Variants in LEPR observed in about 807,000 individuals in gnomAD.
The protein encoded by LEPR is leptin receptor.
Under a neutral mutation model 114.7 loss-of-function variants are expected in LEPR, and 56 were observed. The observed-to-expected ratio is 0.49, with a 90% CI of 0.39 to 0.61. The LOEUF (loss-of-function observed/expected upper bound fraction) is 0.61, where lower values mean the gene tolerates loss of function less well. Ranked by LOEUF, LEPR falls within the 20% of genes least tolerant of loss-of-function variation. The pLI, the probability that LEPR is intolerant of heterozygous loss-of-function variation, is 0.00. For missense variants in LEPR, 1,202 were observed against 1,352.9 expected, an observed-to-expected ratio of 0.89 and a Z score of 1.75; for synonymous variants, 443 against 461.4, an observed-to-expected ratio of 0.96 and a Z score of 0.51.
chr1:65,527,539 T>TC (rs1650058079), intron 2 of LEPR, among the ~76,000 whole-genome samples: 1 of 152,246 alleles, frequency 6.6e-6, no homozygotes, highest in Non-Finnish European at 1.5e-5. Context: ...AGTAGCATTT[T>TC]CAAGATTATT....
At chr1:65,450,546 G>A (rs1382776625) in intron 2 of LEPR, among the ~76,000 whole-genome samples, 3 of 141,676 alleles carry the variant, frequency 2.1e-5, no homozygotes, top group South Asian at 2.4e-4. Flanking sequence ...TTGTTCTTGC[G>A]ATAGTTTACT....
chr1:65,455,562 C>T (rs547539817), intron 2 of LEPR, among the ~76,000 whole-genome samples: 1 of 152,324 alleles, frequency 6.6e-6, no homozygotes, highest in East Asian at 1.9e-4. Context: ...CAGTCTGCCC[C>T]TGCTGGGGGG....
In LEPR at chr1:65,431,076, A is replaced by G. The variant is rs144914027; in HGVS notation, c.-21+5698A>G. ...CTGATTAGCAATGGTCTTGAACCCC[A>G]TGCCAGTTTGATCTTTGTCTAGATA... On this transcript the variant is annotated intron_variant, in intron 2 of 19. Transcript: ENST00000349533. 3.9e-5 allele frequency among the ~76,000 whole-genome samples: 6 copies of G among 152,326 alleles called. No homozygotes were observed. In the East Asian group the frequency reaches 9.6e-4, roughly 24 times the overall value.
At chr1:65,499,487 A>T (rs561409946) in intron 2 of LEPR, among the ~76,000 whole-genome samples, 5 of 152,274 alleles carry the variant, frequency 3.3e-5, no homozygotes, top group African/African-American at 9.6e-5. Flanking sequence ...GGATATAAAT[A>T]TCAGCCCCAC....
chr1:65,567,888 T>A (rs1345164234), intron 3 of LEPR, among the ~76,000 whole-genome samples: 1 of 147,772 alleles, frequency 6.8e-6, no homozygotes, highest in Non-Finnish European at 1.5e-5. Flanking sequence ...TTTGTCACAA[T>A]TGATGAACCC....
intron 2 of LEPR, among the ~76,000 whole-genome samples, chr1:65,436,709 A>G (rs1646568108): frequency 7.1e-6 from 1 of 141,578 alleles, no homozygotes; most frequent in African/African-American, 2.4e-5. Flanking sequence ...GAGACTGCAC[A>G]ATCTCTCTTC....
chr1:65,627,215 G>A (rs1336474631), intron 19 of LEPR, among the ~76,000 whole-genome samples: 2 of 152,112 alleles, frequency 1.3e-5, no homozygotes, highest in East Asian at 3.9e-4. Context: ...TATTAACAAT[G>A]TATTTCTTAA....
chr1:65,434,959 T>C, intron 2 of LEPR: 3 of 985,540 alleles, frequency 3.0e-6, no homozygotes, highest in Non-Finnish European at 3.6e-6. Flanking sequence ...AAATTCCTTT[T>C]GACACCTGCA....
intron 2 of LEPR, among the ~76,000 whole-genome samples, chr1:65,540,181 A>G (rs919899758): frequency 2.6e-5 from 4 of 152,112 alleles, no homozygotes; most frequent in African/African-American, 4.8e-5. Flanking sequence ...TCCTGCCCTT[A>G]TCATTTAGAA....
intron 2 of LEPR, chr1:65,525,748 GC>G: frequency 1.0e-6 from 1 of 986,104 alleles, no homozygotes; most frequent in Non-Finnish European, 1.2e-6. Flanking sequence ...CCGAGCGCGC[GC>G]GACGCAGGTG....
chr1:65,627,394 A>G (rs969513497), intron 19 of LEPR, among the ~76,000 whole-genome samples: 2 of 152,230 alleles, frequency 1.3e-5, no homozygotes, highest in Non-Finnish European at 2.9e-5. Flanking sequence ...GTGTCATTAG[A>G]TAATAGGGAA....
chr1:65,499,262 C>T lies in LEPR; in HGVS notation c.-20-66284C>T, dbSNP rs375489251. ...AATAGATGGCAAACTAATTGTAAGT[C>T]AAGAATATAGCGAGTTTCCCAAAGA... On this transcript the variant is annotated intron_variant, in intron 2 of 19. Transcript: ENST00000349533. 3.0e-4 allele frequency among the ~76,000 whole-genome samples: 46 copies of T among 152,142 alleles called. 1 individual carries two copies. The highest frequency in any genetic ancestry group is 1.0e-3 in the African/African-American group (42 of 41,526).
intron 2 of LEPR, chr1:65,435,986 A>G (rs1570444699): frequency 1.0e-6 from 1 of 984,892 alleles, no homozygotes; most frequent in Non-Finnish European, 1.2e-6. Flanking sequence ...TTTGTAAATA[A>G]AACTTGTTAT....
chr1:65,570,863 A>T (rs1654102734), intron 4 of LEPR, 61 bp downstream of exon 4: 1 of 1,334,244 alleles, frequency 7.5e-7, no homozygotes, highest in South Asian at 1.8e-5. Context: ...TGATACCTGT[A>T]TGAAATAGAT....
chr1:65,445,656 C>T (rs1646704904), intron 2 of LEPR, among the ~76,000 whole-genome samples: 1 of 151,032 alleles, frequency 6.6e-6, no homozygotes, highest in Admixed American at 6.6e-5. Context: ...TTTTAAACAG[C>T]AAATCTTTCA....
chr1:65,637,417 A>T lies in LEPR; in HGVS notation c.*402A>T, dbSNP rs1196037697. ...TCCTTGTGTGTTTTGAGAGTATATT[A>T]TGTATTTATATTTTGTGCTATCAGA... On this transcript the variant is annotated 3_prime_UTR_variant, in exon 20 of 20. Coordinates refer to ENST00000349533, the MANE Select transcript of LEPR (RefSeq NM_002303.6). 1 of 166,832 alleles carries T rather than the reference A, an allele frequency of 6.0e-6. No individual in the cohort carries two copies. The highest frequency in any genetic ancestry group is 2.4e-5 in the African/African-American group (1 of 41,668). The allele number at this position is 166,832 out of a possible 1,614,324, so 10.3% of individuals were successfully genotyped here.
chr1:65,511,159 C>T (rs902473016), intron 2 of LEPR, among the ~76,000 whole-genome samples: 1 of 152,184 alleles, frequency 6.6e-6, no homozygotes, highest in Admixed American at 6.5e-5. Flanking sequence ...ACATTTCTGA[C>T]AAACAGTAAC....
At chr1:65,596,895 C>A (rs1656102278) in intron 7 of LEPR, among the ~76,000 whole-genome samples, 1 of 151,890 alleles carries the variant, frequency 6.6e-6, no homozygotes, top group East Asian at 1.9e-4. Context: ...CTGAATGTGG[C>A]AACAGAAAGA....
At chr1:65,423,784 AGTTT>A (rs757475754) in intron 1 of LEPR, among the ~76,000 whole-genome samples, 1 of 152,212 alleles carries the variant, frequency 6.6e-6, no homozygotes, top group Non-Finnish European at 1.5e-5. Flanking sequence ...TTAATTAATT[AGTTT>A]AATACTAATT....
Sources: allele counts gnomAD v4.1 joint callset (sites outside exome capture counted in the v4.1 genomes callset), GRCh38; gene constraint gnomAD v4.1.1; transcripts MANE v1.5; gene names NCBI Gene and HGNC (gene_info 2026-07-23, HGNC 2026-07-21).